Variants in RAB28 observed in about 807,000 individuals in gnomAD.
The protein encoded by RAB28 is ras-related protein Rab-28.
In RAB28, 24 loss-of-function variants were observed where a neutral mutation model predicts 31.7. That is an observed-to-expected ratio of 0.76 (90% CI 0.55 to 1.06). The LOEUF is 1.06. RAB28 is among the 50% of genes least tolerant of loss of function. The pLI is 0.00. For missense variants in RAB28, 254 were observed against 258.5 expected (o/e 0.98, Z 0.12); for synonymous variants, 100 against 90.4 (o/e 1.11, Z -0.60).
At chr4:13,462,255 T>C (rs1162620272) in intron 3 of RAB28, among the ~76,000 whole-genome samples, 4 of 152,160 alleles carry the variant, frequency 2.6e-5, no homozygotes. Context: ...ATGGTGTAAA[T>C]GCTAGCCTGC....
intron 6 of RAB28, among the ~76,000 whole-genome samples, chr4:13,375,375 G>GT (rs1372538358): frequency 1.3e-5 from 2 of 152,132 alleles, no homozygotes; most frequent in African/African-American, 4.8e-5. Context: ...ACTATACTGA[G>GT]TTTACAATGT....
chr4:13,460,690 A>G lies in RAB28; in HGVS notation c.391+9T>C. On this transcript the variant is annotated intron_variant, in intron 4 of 6. Transcript: ENST00000330852. ...CTGTACCATACATAAACAAGCAGTA[A>G]TAACTTACTTTTATTGCCTACCAAG... The G allele has an allele frequency of 1.2e-6, 2 of 1,613,848 alleles. No individual in the cohort carries two copies. Among genetic ancestry groups the G allele is most frequent in the Non-Finnish European group, 1.7e-6 (2 of 1,179,808 alleles).
intron 4 of RAB28, among the ~76,000 whole-genome samples, chr4:13,435,632 G>C (rs983654421): frequency 3.3e-5 from 5 of 152,148 alleles, no homozygotes; most frequent in African/African-American, 1.2e-4. Flanking sequence ...TAGAGGAATT[G>C]GATAAATTCC....
In RAB28 at chr4:13,484,103, G is replaced by C. The variant is rs746678869; in HGVS notation, c.48C>G (p.Val16=). The C allele has an allele frequency of 2.5e-6, 4 of 1,602,524 alleles. No homozygotes were observed. The highest frequency in any genetic ancestry group is 3.4e-6 in the Non-Finnish European group (4 of 1,174,932). ...TCCCGGAGGCGCCGTCCCCCAGCAC[G>C]ACGATTTTCAGTTGCCGGTCCTGGC... The part of the protein sequence containing the change: ...EESQDRQLKI[V]VLGDGASGKT... The change falls in exon 1 of 7, where the codon GTC becomes GTG. Residue 16 remains valine (V), a synonymous_variant. Coordinates refer to ENST00000330852, the MANE Select transcript of RAB28 (RefSeq NM_001017979.3).
At chr4:13,392,239 GAT>G (rs1483259292) in intron 4 of RAB28, among the ~76,000 whole-genome samples, 1 of 152,044 alleles carries the variant, frequency 6.6e-6, no homozygotes, top group East Asian at 1.9e-4. Flanking sequence ...TGTATATTAG[GAT>G]ATAGAGACAG....
At chr4:13,395,200 CT>C (rs1729820323) in intron 4 of RAB28, among the ~76,000 whole-genome samples, 1 of 152,052 alleles carries the variant, frequency 6.6e-6, no homozygotes, top group Non-Finnish European at 1.5e-5. Flanking sequence ...AAAATACGCA[CT>C]ATGATATAGC....
At chr4:13,480,686 A>T (rs1249305121) in intron 1 of RAB28, among the ~76,000 whole-genome samples, 1 of 151,952 alleles carries the variant, frequency 6.6e-6, no homozygotes, top group East Asian at 1.9e-4. Context: ...TTTTGGGTTT[A>T]AATACCCAGC....
At chr4:13,376,342 G>C (rs1445429366) in intron 6 of RAB28, among the ~76,000 whole-genome samples, 1 of 152,056 alleles carries the variant, frequency 6.6e-6, no homozygotes, top group Non-Finnish European at 1.5e-5. Flanking sequence ...GAGACAAAAT[G>C]AGGTTTCAAG....
At chr4:13,475,924 T>C (rs1716343160) in intron 2 of RAB28, among the ~76,000 whole-genome samples, 1 of 151,494 alleles carries the variant, frequency 6.6e-6, no homozygotes. Context: ...ATAAACTAGT[T>C]TCAGAAACCC....
At position 13,472,379 on chromosome 4, in the gene RAB28, A is replaced by G. The variant is rs181635601; in HGVS notation, c.261+1939T>C. Among the ~76,000 whole-genome samples the G allele has an allele frequency of 7.3e-5, 11 of 151,230 alleles. No individual in the cohort carries two copies. The East Asian group carries it at 1.9e-3, about 27-fold the overall frequency. ...TTCACATCAATATTAATTTTTATATAATAGTAATAAATTTTAAATAATTTA... is the reference window on the plus strand; with the variant it reads ...TTCACATCAATATTAATTTTTATATGATAGTAATAAATTTTAAATAATTTA... On this transcript the variant is annotated intron_variant, in intron 3 of 6. Transcript: ENST00000330852.
At chr4:13,460,676 A>T in intron 4 of RAB28, 23 bp downstream of exon 4, 1 of 1,613,712 alleles carries the variant, frequency 6.2e-7, no homozygotes, top group Non-Finnish European at 8.5e-7. Flanking sequence ...TGTACCATAC[A>T]TAAACAAGCA....
At chr4:13,474,469 A>G in intron 2 of RAB28, 63 bp from the exon 3 acceptor site, 1 of 969,464 alleles carries the variant, frequency 1.0e-6, no homozygotes, top group Non-Finnish European at 1.6e-6. Flanking sequence ...CAATACAACA[A>G]GTGACACAGT....
At chr4:13,419,782 G>A (rs937079049) in intron 4 of RAB28, among the ~76,000 whole-genome samples, 3 of 152,210 alleles carry the variant, frequency 2.0e-5, no homozygotes, top group African/African-American at 4.8e-5. Flanking sequence ...AGCACTAAAT[G>A]CCCACAAGAG....
chr4:13,425,577 A>G (rs1199923777), intron 4 of RAB28, among the ~76,000 whole-genome samples: 1 of 152,136 alleles, frequency 6.6e-6, no homozygotes, highest in Non-Finnish European at 1.5e-5. Context: ...ATATGTACAC[A>G]TGCAATTGAA....
intron 4 of RAB28, among the ~76,000 whole-genome samples, chr4:13,417,501 C>A (rs1410114258): frequency 6.6e-6 from 1 of 152,158 alleles, no homozygotes; most frequent in African/African-American, 2.4e-5. Flanking sequence ...GGCCAACCGA[C>A]ACCTCGTACA....
chr4:13,448,097 C>T (rs186516557), intron 4 of RAB28, among the ~76,000 whole-genome samples: 1 of 152,066 alleles, frequency 6.6e-6, no homozygotes, highest in Non-Finnish European at 1.5e-5. Context: ...AGAAAAATAT[C>T]TAAAGTTTTC....
chr4:13,398,539 G>C (rs1711568655), intron 4 of RAB28, among the ~76,000 whole-genome samples: 1 of 152,174 alleles, frequency 6.6e-6, no homozygotes, highest in East Asian at 1.9e-4. Flanking sequence ...AGCACTTTGG[G>C]AGGCAAAGAT....
chr4:13,375,587 G>C (rs1375898195), intron 6 of RAB28, among the ~76,000 whole-genome samples: 1 of 152,100 alleles, frequency 6.6e-6, no homozygotes, highest in Non-Finnish European at 1.5e-5. Context: ...GTGTCTGGGA[G>C]CTATTTAAAC....
chr4:13,398,573 T>TA (rs1208322365), intron 4 of RAB28, among the ~76,000 whole-genome samples: 1 of 152,028 alleles, frequency 6.6e-6, no homozygotes, highest in Non-Finnish European at 1.5e-5. Context: ...GGTCAGGAGA[T>TA]AGAGACCATC....
Sources: allele counts gnomAD v4.1 joint callset (sites outside exome capture counted in the v4.1 genomes callset), GRCh38; gene constraint gnomAD v4.1.1; transcripts MANE v1.5; gene names NCBI Gene and HGNC (gene_info 2026-07-23, HGNC 2026-07-21).